CHODL: variants seen among roughly 807,000 people sequenced by gnomAD.
CHODL encodes the protein transmembrane protein MT75.
In CHODL, 29 loss-of-function variants were observed where a neutral mutation model predicts 34.5. That is an observed-to-expected ratio of 0.84 (90% CI 0.63 to 1.15). The LOEUF is 1.15. Among genes scored for constraint, CHODL ranks in the 50% most tolerant of loss-of-function variants. CHODL has a pLI of 0.00. For missense variants in CHODL, 332 were observed against 332.5 expected, an observed-to-expected ratio of 1.00 and a Z score of 0.01; for synonymous variants, 125 against 116.1, an observed-to-expected ratio of 1.08 and a Z score of -0.49.
chr21:18,078,808 A>G (rs1689589148), intron 2 of CHODL, among the ~76,000 whole-genome samples: 1 of 152,122 alleles, frequency 6.6e-6, no homozygotes, highest in African/African-American at 2.4e-5. Context: ...TAGTTCTCAA[A>G]GAGCTTTATG....
Position 18,256,947 on chromosome 21 carries a change from T to C in CHODL, c.390-23T>C, listed in dbSNP as rs765965461. 6 of 1,606,162 alleles carry C rather than the reference T, an allele frequency of 3.7e-6. No individual in the cohort carries two copies. In the African/African-American group the frequency reaches 5.3e-5, roughly 14 times the overall value. ...CATTTAGTAGGCATGTATCTGAGTG[T>C]TCCTATTACTCTCTGTTTGCAGAAA... On this transcript the variant is annotated intron_variant, in intron 2 of 5. Transcript: ENST00000299295.
intron 1 of CHODL, among the ~76,000 whole-genome samples, chr21:17,927,825 A>G (rs1023598152): frequency 2.0e-5 from 3 of 152,216 alleles, no homozygotes; most frequent in Non-Finnish European, 4.4e-5. Context: ...TAGGCTTCCA[A>G]TAAATAGTTG....
chr21:17,959,724 T>G (rs2063518392), intron 1 of CHODL, among the ~76,000 whole-genome samples: 1 of 152,172 alleles, frequency 6.6e-6, no homozygotes, highest in African/African-American at 2.4e-5. Context: ...CATTTATATT[T>G]GTAATTTAGA....
chr21:18,143,065 C>T (rs1324221304), intron 2 of CHODL, among the ~76,000 whole-genome samples: 3 of 152,252 alleles, frequency 2.0e-5, no homozygotes, highest in African/African-American at 7.2e-5. Context: ...ACTCATCTTC[C>T]TTACTATATT....
chr21:18,126,508 T>C (rs955052971), intron 2 of CHODL, among the ~76,000 whole-genome samples: 2 of 152,202 alleles, frequency 1.3e-5, no homozygotes, highest in African/African-American at 2.4e-5. Context: ...TGATAGGGAT[T>C]GCATTGACTC....
At chr21:18,073,743 T>A (rs2064832856) in intron 2 of CHODL, among the ~76,000 whole-genome samples, 1 of 152,034 alleles carries the variant, frequency 6.6e-6, no homozygotes, top group Non-Finnish European at 1.5e-5. Context: ...TTACCTGGCT[T>A]ACCTCCCAAT....
At chr21:18,046,337 C>T (rs2064443172) in intron 2 of CHODL, among the ~76,000 whole-genome samples, 1 of 151,804 alleles carries the variant, frequency 6.6e-6, no homozygotes, top group Non-Finnish European at 1.5e-5. Flanking sequence ...CAGAGTGCAG[C>T]AATACTGTAG....
intron 1 of CHODL, among the ~76,000 whole-genome samples, chr21:17,945,838 T>A (rs2063403246): frequency 6.6e-6 from 1 of 151,812 alleles, no homozygotes; most frequent in African/African-American, 2.4e-5. Flanking sequence ...AATAACAAAT[T>A]CTAAAAGCAG....
chr21:18,187,317 C>T (rs2073455137), intron 2 of CHODL, among the ~76,000 whole-genome samples: 2 of 152,128 alleles, frequency 1.3e-5, no homozygotes, highest in African/African-American at 4.8e-5. Context: ...TCATTCTGTT[C>T]CTTCATCCTG....
At chr21:18,082,950 T>C (rs2064959948) in intron 2 of CHODL, among the ~76,000 whole-genome samples, 1 of 151,384 alleles carries the variant, frequency 6.6e-6, no homozygotes, top group East Asian at 1.9e-4. Context: ...TGAAGAGAAA[T>C]TCAAGCCACT....
intron 1 of CHODL, among the ~76,000 whole-genome samples, chr21:17,944,938 C>T (rs1272511210): frequency 4.6e-5 from 7 of 152,270 alleles, no homozygotes; most frequent in South Asian, 2.1e-4. Context: ...AGGCCAGGCG[C>T]GGTGGCTTAC....
chr21:18,227,987 A>G (rs915514291), intron 2 of CHODL, among the ~76,000 whole-genome samples: 2 of 152,164 alleles, frequency 1.3e-5, no homozygotes, highest in Non-Finnish European at 2.9e-5. Context: ...TAAGTTGGCT[A>G]TGGTTGGACC....
intron 2 of CHODL, among the ~76,000 whole-genome samples, chr21:18,081,544 G>C (rs1044908917): frequency 1.3e-5 from 2 of 152,112 alleles, no homozygotes; most frequent in Non-Finnish European, 2.9e-5. Flanking sequence ...AGCCAGGCAT[G>C]GTGATGCGTG....
intron 2 of CHODL, among the ~76,000 whole-genome samples, chr21:18,231,035 C>T (rs1278502801): frequency 2.6e-5 from 4 of 151,992 alleles, no homozygotes; most frequent in South Asian, 4.1e-4. Context: ...TATGTAGCCC[C>T]GACCATGGGC....
chr21:17,986,151 T>A (rs2063751735), intron 1 of CHODL, among the ~76,000 whole-genome samples: 1 of 152,138 alleles, frequency 6.6e-6, no homozygotes, highest in South Asian at 2.1e-4. Flanking sequence ...TATTTTTTTC[T>A]CTGTTTTTAT....
intron 1 of CHODL, among the ~76,000 whole-genome samples, chr21:17,931,409 T>C (rs2063272852): frequency 6.6e-6 from 1 of 152,094 alleles, no homozygotes; most frequent in Non-Finnish European, 1.5e-5. Flanking sequence ...AATAATCCCA[T>C]CTAAATGAAA....
At chr21:18,237,540 G>A (rs1262414844) in intron 2 of CHODL, among the ~76,000 whole-genome samples, 3 of 152,148 alleles carry the variant, frequency 2.0e-5, no homozygotes, top group African/African-American at 7.2e-5. Context: ...GTAAGGAAGT[G>A]TGGAAGAAAG....
At chr21:18,240,194 T>C (rs1348375778), upstream of CHODL, among the ~76,000 whole-genome samples, 1 of 152,128 alleles carries the variant, frequency 6.6e-6, no homozygotes, top group Non-Finnish European at 1.5e-5. Context: ...CATTTTACAA[T>C]TAAATTTACA....
chr21:18,085,174 C>G (rs991399866), intron 2 of CHODL, among the ~76,000 whole-genome samples: 5 of 151,530 alleles, frequency 3.3e-5, no homozygotes, highest in Admixed American at 2.6e-4. Flanking sequence ...TTATATGTGT[C>G]TTTACAGGTA....
Sources: allele counts gnomAD v4.1 joint callset (sites outside exome capture counted in the v4.1 genomes callset), GRCh38; gene constraint gnomAD v4.1.1; transcripts MANE v1.5; gene names NCBI Gene and HGNC (gene_info 2026-07-23, HGNC 2026-07-21).